The following PTPN3 variants were observed in gnomAD, a reference collection of about 807,000 sequenced individuals.
The protein encoded by PTPN3 is protein tyrosine phosphatase non-receptor type 3.
PTPN3 carries 96 observed loss-of-function variants against 132.7 expected under a neutral mutation model. That is an observed-to-expected ratio of 0.72 (90% CI 0.61 to 0.86). The LOEUF (loss-of-function observed/expected upper bound fraction) is 0.86. Among genes scored for constraint, PTPN3 ranks in the 40% least tolerant of loss-of-function variants. The pLI, the probability that PTPN3 is intolerant of heterozygous loss-of-function variation, is 0.00. For synonymous variants in PTPN3, 398 were observed against 429.0 expected, an observed-to-expected ratio of 0.93 and a Z score of 0.89; for missense variants, 1,125 against 1,159.6, an observed-to-expected ratio of 0.97 and a Z score of 0.43.
chr9:109,504,653 G>C, the PTPN3 span, among the ~76,000 whole-genome samples: 1 of 152,176 alleles, frequency 6.6e-6, no homozygotes, highest in African/African-American at 2.4e-5. Flanking sequence ...AACACTCTTT[G>C]GGTGTCCACA....
chr9:109,436,982 A>C lies in PTPN3; in HGVS notation c.588-12T>G. The C allele has an allele frequency of 6.2e-7, 1 of 1,613,602 alleles. No individual in the cohort carries two copies. The highest frequency in any genetic ancestry group is 1.1e-5 in the South Asian group (1 of 90,878). ...ATTGTTTTAGCCCACTACGGAAGAA[A>C]AGACAAAAAGCAGAGTTCATCCAAT... is the stretch of plus-strand genomic sequence containing the variant. On this transcript the variant is annotated splice_polypyrimidine_tract_variant and intron_variant, in intron 8 of 25. Coordinates refer to ENST00000374541, the MANE Select transcript of PTPN3 (RefSeq NM_002829.4).
the PTPN3 span, among the ~76,000 whole-genome samples, chr9:109,515,504 C>A: frequency 6.6e-6 from 1 of 152,170 alleles, no homozygotes; most frequent in Non-Finnish European, 1.5e-5. Flanking sequence ...TTTGTCTTTT[C>A]CTTGCAGCCC....
At chr9:109,480,276 T>C (rs931553972) in intron 1 of PTPN3, among the ~76,000 whole-genome samples, 7 of 152,154 alleles carry the variant, frequency 4.6e-5, no homozygotes, top group Non-Finnish European at 1.0e-4. Context: ...CAAGTGATCC[T>C]CCAGCCTCAG....
Position 109,498,140 on chromosome 9 carries a change from G to A in PTPN3, c.-18+79C>T, listed in dbSNP as rs1192212013. 6.9e-6 allele frequency: 1 copy of A among 145,948 alleles called. No homozygotes were observed. The highest frequency in any genetic ancestry group is 6.8e-5 in the Admixed American group (1 of 14,720). The allele number at this position is 145,948 out of a possible 1,614,324, so 9.0% of individuals were successfully genotyped here. ...CGCGCCCCAGGGACGGGTGGGGGCG[G>A]GGTGGCGCCGAGCGCGACCCCGGCC... On this transcript the variant is annotated intron_variant, in intron 1 of 25. Coordinates refer to ENST00000374541, the MANE Select transcript of PTPN3 (RefSeq NM_002829.4). This position sits in a 1 kb window ranked among gnomAD's most constrained non-coding sequence, Gnocchi z 4.2.
chr9:109,435,365 A>G (rs911548066), intron 9 of PTPN3, among the ~76,000 whole-genome samples: 3 of 152,170 alleles, frequency 2.0e-5, no homozygotes, highest in African/African-American at 7.2e-5. Context: ...GGGCTGAAGC[A>G]TTTAAGAGCT....
At chr9:109,420,265 T>G (rs1483311662) in intron 14 of PTPN3, among the ~76,000 whole-genome samples, 159 bp downstream of exon 14, 1 of 152,110 alleles carries the variant, frequency 6.6e-6, no homozygotes, top group Non-Finnish European at 1.5e-5. Context: ...GGTGAAAAGG[T>G]AGAGTCTGAT....
At chr9:109,452,931 AT>A (rs1485025307) in intron 5 of PTPN3, among the ~76,000 whole-genome samples, 4 of 152,036 alleles carry the variant, frequency 2.6e-5, no homozygotes, top group Non-Finnish European at 4.4e-5. Flanking sequence ...ATTCTTATAG[AT>A]TTCATCACCA....
chr9:109,509,673 T>A, the PTPN3 span, among the ~76,000 whole-genome samples: 1 of 152,222 alleles, frequency 6.6e-6, no homozygotes, highest in African/African-American at 2.4e-5. Context: ...TTACATTTAG[T>A]TCAGTGATAT....
In PTPN3 at chr9:109,418,501, T is replaced by A. The variant is rs1027986658; in HGVS notation, c.1313+1923A>T. ...GCCCAGACTGCAAGCAAGGTGATGATTCCAAACCTACTCCCACATGAATTC... is the reference window on the plus strand; with the variant it reads ...GCCCAGACTGCAAGCAAGGTGATGAATCCAAACCTACTCCCACATGAATTC... On this transcript the variant is annotated intron_variant, in intron 14 of 25. Coordinates refer to ENST00000374541, the MANE Select transcript of PTPN3 (RefSeq NM_002829.4). Among the ~76,000 whole-genome samples the A allele has an allele frequency of 2.0e-5, 3 of 152,228 alleles. No individual in the cohort carries two copies. In the East Asian group the frequency reaches 5.8e-4, roughly 29 times the overall value.
intron 14 of PTPN3, among the ~76,000 whole-genome samples, chr9:109,415,036 G>GTCCGTCCGTCTGTCCA (rs1554786694): frequency 2.1e-5 from 3 of 145,696 alleles, no homozygotes; most frequent in Non-Finnish European, 4.5e-5. Context: ...CCGTCTGTCC[G>GTCCGTCCGTCTGTCCA]TCCGTCCGTC....
chr9:109,520,400 G>A, the PTPN3 span, among the ~76,000 whole-genome samples: 1 of 152,028 alleles, frequency 6.6e-6, no homozygotes, highest in Non-Finnish European at 1.5e-5. Context: ...TAAAAATAAA[G>A]AAAGAAAGAA....
chr9:109,459,453 G>A (rs571605355), intron 2 of PTPN3, among the ~76,000 whole-genome samples: 1 of 152,336 alleles, frequency 6.6e-6, no homozygotes, highest in African/African-American at 2.4e-5. Flanking sequence ...ACTCAGCTTT[G>A]AACCAGGCTG....
chr9:109,438,076 C>T, intron 8 of PTPN3, 38 bp downstream of exon 8: 1 of 1,589,660 alleles, frequency 6.3e-7, no homozygotes, highest in Non-Finnish European at 8.5e-7. Context: ...AAATACCCAA[C>T]CCAAGTCCCC....
intron 1 of PTPN3, among the ~76,000 whole-genome samples, chr9:109,468,875 T>G (rs1265891804): frequency 6.6e-6 from 1 of 152,246 alleles, no homozygotes; most frequent in African/African-American, 2.4e-5. Flanking sequence ...TGTCTACAGA[T>G]TCCAGATTTT....
At chr9:109,483,670 A>G (rs1307282857) in intron 1 of PTPN3, among the ~76,000 whole-genome samples, 1 of 152,142 alleles carries the variant, frequency 6.6e-6, no homozygotes, top group Non-Finnish European at 1.5e-5. Context: ...TACGTCTCCC[A>G]AAGCTCTCAC....
At chr9:109,397,207 T>C (rs1037990780) in intron 19 of PTPN3, among the ~76,000 whole-genome samples, 1 of 152,206 alleles carries the variant, frequency 6.6e-6, no homozygotes, top group African/African-American at 2.4e-5. Flanking sequence ...AATGGCTGTT[T>C]GCTGTATCAG....
Position 109,410,071 on chromosome 9 carries a change from A to G in PTPN3, c.1506T>C (p.Asp502=). 6.2e-7 allele frequency: 1 copy of G among 1,614,246 alleles called. No homozygotes were observed. The highest frequency in any genetic ancestry group is 8.5e-7 in the Non-Finnish European group (1 of 1,180,050). ...TCAAGACTAAGTAGCTGTCACCATT[A>G]TCATTCTGGAAAACGGTTTGAAAGT... ...DASQYYCDKN[D]NGDSYLVLIR... The change falls in exon 16 of 26, where the codon GAT becomes GAC. Residue 502 remains aspartate, a synonymous_variant. Coordinates refer to ENST00000374541, the MANE Select transcript of PTPN3 (RefSeq NM_002829.4).
At chr9:109,506,391 A>T in the PTPN3 span, among the ~76,000 whole-genome samples, 2 of 152,226 alleles carry the variant, frequency 1.3e-5, no homozygotes, top group Admixed American at 6.5e-5. Flanking sequence ...AGTGGGGCAG[A>T]GGAGGGATGG....
intron 22 of PTPN3, among the ~76,000 whole-genome samples, chr9:109,387,139 A>T (rs1400242819): frequency 6.6e-6 from 1 of 152,184 alleles, no homozygotes; most frequent in Non-Finnish European, 1.5e-5. Context: ...CATGGCTGAC[A>T]GCTTCAGCTT....
Sources: gnomAD v4.1 joint callset for allele counts (sites outside exome capture counted in the v4.1 genomes callset) on GRCh38, gnomAD v4.1.1 for gene constraint, Gnocchi (gnomAD v3.1) non-coding constraint, MANE v1.5 for transcripts, NCBI Gene and HGNC (gene_info 2026-07-23, HGNC 2026-07-21) for gene names.